Variants in ERCC4 observed in about 807,000 individuals in gnomAD.
ERCC4 encodes the protein DNA repair endonuclease XPF.
ERCC4 carries 65 observed loss-of-function variants against 76.9 expected under a neutral mutation model. The observed-to-expected ratio is 0.84, with a 90% CI of 0.69 to 1.04. The LOEUF (loss-of-function observed/expected upper bound fraction) is 1.04, where lower values mean the gene tolerates loss of function less well. Ranked by LOEUF, ERCC4 falls within the 50% of genes least tolerant of loss-of-function variation. ERCC4 has a pLI of 0.00. For missense variants in ERCC4, 1,214 were observed against 1,128.2 expected, an observed-to-expected ratio of 1.08 and a Z score of -1.09; for synonymous variants, 463 against 410.1, an observed-to-expected ratio of 1.13 and a Z score of -1.56.
chr16:13,950,584 T>C lies in ERCC4; in HGVS notation c.*2237T>C, dbSNP rs2032612611. On this transcript the variant is annotated 3_prime_UTR_variant, in exon 11 of 11. Coordinates refer to ENST00000311895, the MANE Select transcript of ERCC4 (RefSeq NM_005236.3). ...CAACATTATCGTTAACATTCAATTT[T>C]GTATTTATTGTTTTATTGAATATAG... is the stretch of plus-strand genomic sequence containing the variant. The C allele has an allele frequency of 1.0e-5, 2 of 194,490 alleles. No homozygotes were observed. Among genetic ancestry groups the C allele is most frequent in the Non-Finnish European group, 2.1e-5 (2 of 93,502 alleles). The allele number at this position is 194,490 out of a possible 1,614,324, so 12.0% of individuals were successfully genotyped here.
At chr16:13,944,497 A>C (rs183841018) in intron 9 of ERCC4, among the ~76,000 whole-genome samples, 3 of 149,950 alleles carry the variant, frequency 2.0e-5, no homozygotes, top group African/African-American at 5.1e-5. Flanking sequence ...ACTCTGGAAA[A>C]TCAAGAAGTA....
chr16:13,940,359 G>C (rs2032388977), intron 9 of ERCC4, among the ~76,000 whole-genome samples: 1 of 151,320 alleles, frequency 6.6e-6, no homozygotes, highest in Admixed American at 6.6e-5. Flanking sequence ...CTGCACTCCA[G>C]CCTGGGCAAC....
chr16:13,923,306 CTAAATAACTGGT>C (rs1163440130), intron 2 of ERCC4, among the ~76,000 whole-genome samples: 1 of 152,142 alleles, frequency 6.6e-6, no homozygotes, highest in African/African-American at 2.4e-5. Context: ...TCATCCCAGG[CTAAATAACTGGT>C]ACATGGTAGG....
intron 3 of ERCC4, 149 bp downstream of exon 3, chr16:13,926,905 A>C (rs1212970285): frequency 3.0e-6 from 2 of 663,724 alleles, no homozygotes; most frequent in Non-Finnish European, 5.3e-6. Flanking sequence ...TATAACAAAC[A>C]CATCCAGCTA....
chr16:13,921,867 G>A (rs543995904), intron 1 of ERCC4, among the ~76,000 whole-genome samples, 164 bp from the exon 2 acceptor site: 76 of 152,306 alleles, frequency 5.0e-4, no homozygotes, highest in South Asian at 1.0e-3. Context: ...CTCATTAAAT[G>A]TAGACTGGTT....
chr16:13,930,294 T>C (rs563244528), intron 4 of ERCC4, among the ~76,000 whole-genome samples: 2 of 152,214 alleles, frequency 1.3e-5, no homozygotes, highest in East Asian at 3.9e-4. Flanking sequence ...CCATCCAGGA[T>C]AGTCAGAGTC....
At chr16:13,920,998 G>A (rs1289633959) in intron 1 of ERCC4, among the ~76,000 whole-genome samples, 2 of 152,162 alleles carry the variant, frequency 1.3e-5, no homozygotes, top group African/African-American at 4.8e-5. Context: ...CTGCAGGGGA[G>A]GGGGAGATGT....
At chr16:13,942,510 A>G (rs2032432446) in intron 9 of ERCC4, among the ~76,000 whole-genome samples, 1 of 152,252 alleles carries the variant, frequency 6.6e-6, no homozygotes. Context: ...AATAACACCT[A>G]ACATTTATAT....
In ERCC4 at chr16:13,950,732, T is replaced by C. The variant is rs1168129491; in HGVS notation, c.*2385T>C. The C allele has an allele frequency of 1.0e-5, 2 of 193,672 alleles. No individual in the cohort carries two copies. Among genetic ancestry groups the C allele is most frequent in the Non-Finnish European group, 2.1e-5 (2 of 93,068 alleles). 12.0% of individuals were successfully genotyped at this position (193,672 alleles called of 1,614,324 possible). On this transcript the variant is annotated 3_prime_UTR_variant, in exon 11 of 11. Transcript: ENST00000311895. ...TTCTATTTTTTTCCTCTTGTATAAT[T>C]CCACTTGCTTTTAATTGTTGTTTCA...
At chr16:13,941,158 C>T (rs1187502353) in intron 9 of ERCC4, among the ~76,000 whole-genome samples, 1 of 152,188 alleles carries the variant, frequency 6.6e-6, no homozygotes, top group Non-Finnish European at 1.5e-5. Context: ...AAACCTCACT[C>T]AGCAGAACCT....
At chr16:13,920,462 G>A in intron 1 of ERCC4, 90 bp downstream of exon 1, 1 of 1,172,780 alleles carries the variant, frequency 8.5e-7, no homozygotes, top group Non-Finnish European at 1.2e-6. Context: ...GGATGGAGGG[G>A]CTCTGAGGGG....
intron 4 of ERCC4, among the ~76,000 whole-genome samples, chr16:13,929,896 G>A (rs1453058589): frequency 6.6e-6 from 1 of 152,130 alleles, no homozygotes; most frequent in Non-Finnish European, 1.5e-5. Context: ...CCTGGGAGGC[G>A]GAGGTTGCAG....
At position 13,935,551 on chromosome 16, in the gene ERCC4, C is replaced by T. The variant is rs368830992; in HGVS notation, c.1619C>T (p.Ser540Leu). ...GAAGAATTTGATGTAAATTTGTCAT[C>T]GGATGCTGCTTTCGGAATCCTGAAA... ...KHEEFDVNLS[S>L]DAAFGILKEP... The change falls in exon 8 of 11, where the codon TCG becomes TTG. Residue 540 changes from serine to leucine, a missense_variant. Transcript: ENST00000311895. The T allele has an allele frequency of 8.5e-5, 137 of 1,614,040 alleles. 1 individual carries two copies. The highest frequency in any genetic ancestry group is 9.7e-5 in the Non-Finnish European group (115 of 1,180,032).
intron 4 of ERCC4, among the ~76,000 whole-genome samples, chr16:13,928,453 T>C (rs2032111143): frequency 6.6e-6 from 1 of 152,214 alleles, no homozygotes; most frequent in Non-Finnish European, 1.5e-5. Flanking sequence ...TTTGCAGTTA[T>C]AGTAAGTGAT....
intron 3 of ERCC4, 182 bp from the exon 4 acceptor site, chr16:13,927,846 C>G: frequency 1.7e-6 from 1 of 596,192 alleles, no homozygotes; most frequent in Middle Eastern, 4.7e-4. Context: ...GAATAATACA[C>G]TGCTTCTATT....
chr16:13,922,085 G>C lies in ERCC4; in HGVS notation c.262G>C (p.Val88Leu), dbSNP rs2031987778. 3 of 1,613,758 alleles carry C rather than the reference G, an allele frequency of 1.9e-6. No homozygotes were observed. Residue 88 changes from valine (V) to leucine (L), a missense_variant, in exon 2 of 11, where the codon GTA (valine) becomes CTA (leucine). Transcript: ENST00000311895. ...AGGAGTTGAACACCTCCCTCGCCGT[G>C]TAACAAATGAAATCACAAGCAACAG... is the stretch of plus-strand genomic sequence containing the variant. ...IEGVEHLPRR[V>L]TNEITSNSRY...
At chr16:13,929,290 G>T (rs188658313) in intron 4 of ERCC4, among the ~76,000 whole-genome samples, 27 of 152,174 alleles carry the variant, frequency 1.8e-4, no homozygotes, top group African/African-American at 6.3e-4. Context: ...TTAATATTTT[G>T]TAGATGATTT....
Position 13,931,954 on chromosome 16 carries a change from TG to T in ERCC4, c.974-198del, listed in dbSNP as rs2141949562. 6.8e-6 allele frequency: 4 copies of T among 584,866 alleles called. No individual in the cohort carries two copies. The East Asian group carries it at 1.1e-4, about 16-fold the overall frequency. 36.2% of individuals were successfully genotyped at this position (584,866 alleles called of 1,614,324 possible). On this transcript the variant is annotated intron_variant, in intron 5 of 10. Coordinates refer to ENST00000311895, the MANE Select transcript of ERCC4 (RefSeq NM_005236.3). ...ACATCACATAGCCCTGAAAATATCT[TG>T]GGGGCCCCTGGGAGTTCACGGACCA... is the stretch of plus-strand genomic sequence containing the variant.
chr16:13,947,600 C>T lies in ERCC4; in HGVS notation c.2018-14C>T, dbSNP rs775219852. 34 of 1,613,938 alleles carry T rather than the reference C, an allele frequency of 2.1e-5. No individual in the cohort carries two copies. The highest frequency in any genetic ancestry group is 2.8e-5 in the Non-Finnish European group (33 of 1,179,948). On this transcript the variant is annotated splice_polypyrimidine_tract_variant and intron_variant, in intron 10 of 10. Coordinates refer to ENST00000311895, the MANE Select transcript of ERCC4 (RefSeq NM_005236.3). Reference sequence around the variant, plus strand: ...AGTTCTTCCCCAGTGACATTACTTACTTTTTCTCTGTAGGTGGCCAGGAAC... The same window carrying T: ...AGTTCTTCCCCAGTGACATTACTTATTTTTTCTCTGTAGGTGGCCAGGAAC...
Sources: allele counts gnomAD v4.1 joint callset (sites outside exome capture counted in the v4.1 genomes callset), GRCh38; gene constraint gnomAD v4.1.1; transcripts MANE v1.5; gene names NCBI Gene and HGNC (gene_info 2026-07-23, HGNC 2026-07-21).